The following ADGRF4 variants were observed in gnomAD, a reference collection of about 807,000 sequenced individuals.
The protein encoded by ADGRF4 is adhesion G protein-coupled receptor F4.
Under a neutral mutation model 58.5 loss-of-function variants are expected in ADGRF4, and 63 were observed. That is an observed-to-expected ratio of 1.08 (90% CI 0.88 to 1.33). The LOEUF (loss-of-function observed/expected upper bound fraction) is 1.33. Among genes scored for constraint, ADGRF4 ranks in the 40% most tolerant of loss-of-function variants. The pLI is 0.00. For missense variants in ADGRF4, 931 were observed against 843.9 expected (o/e 1.10, Z -1.28); for synonymous variants, 313 against 295.4 (o/e 1.06, Z -0.61).
At chr6:47,702,263 G>A (rs1291297990) in intron 1 of ADGRF4, among the ~76,000 whole-genome samples, 1 of 152,076 alleles carries the variant, frequency 6.6e-6, no homozygotes, top group African/African-American at 2.4e-5. Context: ...TGTGTGTTGG[G>A]GGGAGTTGGG....
At chr6:47,720,992 G>T (rs1222053845) in intron 9 of ADGRF4, among the ~76,000 whole-genome samples, 1 of 152,104 alleles carries the variant, frequency 6.6e-6, no homozygotes, top group East Asian at 1.9e-4. Context: ...GGAAGGCAAA[G>T]GGCACCAAAA....
chr6:47,718,325 G>A, intron 8 of ADGRF4, 64 bp from the exon 9 acceptor site: 1 of 852,174 alleles, frequency 1.2e-6, no homozygotes, highest in Non-Finnish European at 2.1e-6. Flanking sequence ...TATCTCTAGA[G>A]AGGGATATAC....
chr6:47,701,980 A>T (rs1000023765), intron 1 of ADGRF4, among the ~76,000 whole-genome samples: 1 of 152,166 alleles, frequency 6.6e-6, no homozygotes, highest in Admixed American at 6.5e-5. Context: ...CTGGCATTAT[A>T]GGTATGCACC....
chr6:47,709,860 G>T (rs112567821), intron 3 of ADGRF4, among the ~76,000 whole-genome samples: 2,443 of 84,474 alleles, frequency 0.029, 55 homozygotes, highest in African/African-American at 0.081. Flanking sequence ...TTTTTTTTTT[G>T]TATTTTTGTG....
intron 7 of ADGRF4, 76 bp downstream of exon 7, chr6:47,716,923 T>C: frequency 8.1e-6 from 8 of 985,580 alleles, no homozygotes; most frequent in South Asian, 1.4e-5. Context: ...GCAGTTTTGA[T>C]TGGAGAGCAT....
chr6:47,710,118 G>A (rs1336274771), intron 3 of ADGRF4, among the ~76,000 whole-genome samples: 2 of 152,156 alleles, frequency 1.3e-5, no homozygotes, highest in East Asian at 1.9e-4. Context: ...ATATTGATTA[G>A]TTGATGAAAT....
intron 1 of ADGRF4, among the ~76,000 whole-genome samples, chr6:47,703,846 T>G (rs757698481): frequency 6.6e-6 from 1 of 152,226 alleles, no homozygotes; most frequent in Non-Finnish European, 1.5e-5. Context: ...TGTTGGATCC[T>G]TTACTCCCTG....
chr6:47,715,983 ATTTT>A (rs3030671), intron 6 of ADGRF4, among the ~76,000 whole-genome samples: 36,342 of 143,620 alleles, frequency 0.25, 4,609 homozygotes, highest in African/African-American at 0.31. Context: ...GACATGAGGG[ATTTT>A]TTTTTTTTTT....
intron 1 of ADGRF4, among the ~76,000 whole-genome samples, chr6:47,706,399 C>G (rs892744471): frequency 3.3e-5 from 5 of 152,204 alleles, no homozygotes; most frequent in Admixed American, 3.3e-4. Context: ...AAGAGGGAGT[C>G]TCAGAGCTTG....
chr6:47,714,979 G>C lies in ADGRF4; in HGVS notation c.1734G>C (p.Leu578Phe), dbSNP rs777072476. The C allele has an allele frequency of 1.2e-6, 2 of 1,613,460 alleles. No homozygotes were observed. The change falls in exon 6 of 10, where the codon TTG (leucine) becomes TTC (phenylalanine). Residue 578 changes from leucine to phenylalanine, a missense_variant. Coordinates refer to ENST00000283303, the MANE Select transcript of ADGRF4 (RefSeq NM_153838.5). ...VIVAVNLIVV[L>F]VVAVNTQRPS... ...TGGCTGTAAATCTGATTGTGGTTTT[G>C]GTTGTTGCTGTCAACACTCAGAGGC...
rs1581686783 is a variant in ADGRF4 at position 47,698,667 on chromosome 6, A to T, written c.-144A>T. On this transcript the variant is annotated 5_prime_UTR_variant, in exon 1 of 10. Coordinates refer to ENST00000283303, the MANE Select transcript of ADGRF4 (RefSeq NM_153838.5). ...ATTTCAAAAATGGAGAAGACAGATC[A>T]CAGCCACTGACCAGGGACCGTGGGA... 1 of 152,198 alleles carries T rather than the reference A, an allele frequency of 6.6e-6. No homozygotes were observed. The highest frequency in any genetic ancestry group is 2.1e-4 in the South Asian group (1 of 4,826). The allele number at this position is 152,198 out of a possible 1,614,324, so 9.4% of individuals were successfully genotyped here. A position where few individuals can be genotyped will look rare whatever the true frequency, so the allele number is the denominator to read the frequency against.
In ADGRF4 at chr6:47,718,377, T is replaced by TC; in HGVS notation, c.2035-7dup. 2 of 1,462,334 alleles carry TC rather than the reference T, an allele frequency of 1.4e-6. No homozygotes were observed. Among genetic ancestry groups the TC allele is most frequent in the Non-Finnish European group, 1.9e-6 (2 of 1,041,882 alleles). 90.6% of individuals were successfully genotyped at this position (1,462,334 alleles called of 1,614,324 possible). ...TACTCATTACCACTACTGTTATTTTTCCCCCACTTAGAATGCATCACTAGG... is the reference window on the plus strand; with the variant it reads ...TACTCATTACCACTACTGTTATTTTTCCCCCCACTTAGAATGCATCACTAGG... On this transcript the variant is annotated splice_polypyrimidine_tract_variant and intron_variant, in intron 8 of 9. Coordinates refer to ENST00000283303, the MANE Select transcript of ADGRF4 (RefSeq NM_153838.5).
At position 47,714,868 on chromosome 6, in the gene ADGRF4, A is replaced by C. The variant is rs9369738; in HGVS notation, c.1623A>C (p.Lys541Asn). The change falls in exon 6 of 10, where the codon AAA (lysine) becomes AAC (asparagine). Residue 541 changes from lysine (K) to asparagine (N), a missense_variant. By Grantham distance (94) the Lys-to-Asn change is moderately conservative (BLOSUM62 0). Transcript: ENST00000283303. ...VTTVAITEPE[K>N]GYMRPEACWL... ...CAGTTGCTATCACAGAGCCAGAGAAAGGCTACATGAGACCTGAGGCCTGTT... is the reference window on the plus strand; with the variant it reads ...CAGTTGCTATCACAGAGCCAGAGAACGGCTACATGAGACCTGAGGCCTGTT... 1,400,677 of 1,608,116 alleles carry C rather than the reference A, an allele frequency of 0.87. 611,618 individuals are homozygous for C. Among genetic ancestry groups the C allele is most frequent in the Admixed American group, 0.91 (54,523 of 59,958 alleles).
In ADGRF4 at chr6:47,721,286, G is replaced by A. The variant is rs929656914; in HGVS notation, c.*81G>A. ...AAGAGGCCATGGAAAGCAGGCTGGA[G>A]TGAGGAGGAATGGTCATGCTTCCTT... On this transcript the variant is annotated 3_prime_UTR_variant, in exon 10 of 10. Transcript: ENST00000283303. The A allele has an allele frequency of 6.6e-6, 1 of 152,218 alleles. No individual in the cohort carries two copies. Among genetic ancestry groups the A allele is most frequent in the Admixed American group, 6.5e-5 (1 of 15,278 alleles). The allele number at this position is 152,218 out of a possible 1,614,324, so 9.4% of individuals were successfully genotyped here.
intron 1 of ADGRF4, among the ~76,000 whole-genome samples, chr6:47,704,729 T>G (rs1771666303): frequency 6.6e-6 from 1 of 152,162 alleles, no homozygotes; most frequent in African/African-American, 2.4e-5. Flanking sequence ...GAATGTAAGA[T>G]AAAAATATTG....
chr6:47,708,996 A>G (rs892816261), intron 3 of ADGRF4, among the ~76,000 whole-genome samples: 2 of 150,954 alleles, frequency 1.3e-5, no homozygotes, highest in African/African-American at 5.0e-5. Context: ...ATGGAAGAAG[A>G]AAATGAGAAC....
At position 47,712,216 on chromosome 6, in the gene ADGRF4, C is replaced by A. The variant is rs1394103567; in HGVS notation, c.301-141C>A. 1.1e-5 allele frequency: 8 copies of A among 708,038 alleles called. No homozygotes were observed. The East Asian group carries it at 1.5e-4, about 14-fold the overall frequency. The allele number at this position is 708,038 out of a possible 1,614,324, so 43.9% of individuals were successfully genotyped here. ...CTGATCCCACTGTATCGTCTCCACC[C>A]CCCTCTGCATCAAAACCACTTTTTA... On this transcript the variant is annotated intron_variant, in intron 4 of 9. Transcript: ENST00000283303.
chr6:47,712,639 T>C (rs1771902358), intron 5 of ADGRF4, 31 bp downstream of exon 5: 1 of 1,520,326 alleles, frequency 6.6e-7, no homozygotes, highest in Non-Finnish European at 9.1e-7. Flanking sequence ...AAAAATGATG[T>C]TTTTCTTAAA....
At chr6:47,708,735 G>T (rs188227384) in intron 3 of ADGRF4, among the ~76,000 whole-genome samples, 4 of 152,292 alleles carry the variant, frequency 2.6e-5, no homozygotes, top group East Asian at 3.9e-4. Flanking sequence ...GTAAACTAAG[G>T]GGGTAATCAC....
Sources: gnomAD v4.1 joint callset for allele counts (sites outside exome capture counted in the v4.1 genomes callset) on GRCh38, gnomAD v4.1.1 for gene constraint, MANE v1.5 for transcripts, NCBI Gene and HGNC (gene_info 2026-07-23, HGNC 2026-07-21) for gene names.